NOS1AP: variants seen among roughly 807,000 people sequenced by gnomAD.
The protein encoded by NOS1AP is nitric oxide synthase 1 adaptor protein.
In NOS1AP, 21 loss-of-function variants were observed where a neutral mutation model predicts 56.2. The observed-to-expected ratio is 0.37, with a 90% CI of 0.26 to 0.54. NOS1AP has a LOEUF of 0.54. NOS1AP is among the 20% of genes least tolerant of loss of function. The pLI is 0.84. For missense variants in NOS1AP, 522 were observed against 657.8 expected, an observed-to-expected ratio of 0.79 and a Z score of 2.26; for synonymous variants, 270 against 274.6, an observed-to-expected ratio of 0.98 and a Z score of 0.17.
chr1:162,268,883 A>G (rs1395068150), intron 2 of NOS1AP, among the ~76,000 whole-genome samples: 1 of 152,212 alleles, frequency 6.6e-6, no homozygotes, highest in Non-Finnish European at 1.5e-5. Flanking sequence ...TCAATCTAGG[A>G]AGTCCAACAT....
chr1:162,271,317 C>T (rs1425136699), intron 2 of NOS1AP, among the ~76,000 whole-genome samples: 1 of 148,132 alleles, frequency 6.8e-6, no homozygotes, highest in Admixed American at 6.8e-5. Flanking sequence ...TGGGATACTA[C>T]CCAGAAGTCC....
chr1:162,366,987 C>T (rs984964731), intron 9 of NOS1AP, 65 bp from the exon 10 acceptor site: 11 of 1,591,520 alleles, frequency 6.9e-6, no homozygotes, highest in Middle Eastern at 1.7e-4. Flanking sequence ...GGGCAGAAGG[C>T]GGGCATCCCA....
chr1:162,236,740 ATGT>A (rs1441466889), intron 2 of NOS1AP, among the ~76,000 whole-genome samples: 1 of 152,088 alleles, frequency 6.6e-6, no homozygotes, highest in Non-Finnish European at 1.5e-5. Context: ...TTGGTTAGAA[ATGT>A]TGTCTCTATA....
At chr1:162,352,956 T>C (rs1657569894) in intron 6 of NOS1AP, among the ~76,000 whole-genome samples, 1 of 152,190 alleles carries the variant, frequency 6.6e-6, no homozygotes, top group African/African-American at 2.4e-5. Context: ...CTGCTTCTCC[T>C]GGATTTTTCC....
At chr1:162,152,793 G>T (rs1348642002) in intron 1 of NOS1AP, among the ~76,000 whole-genome samples, 2 of 152,148 alleles carry the variant, frequency 1.3e-5, no homozygotes, top group Non-Finnish European at 2.9e-5. Flanking sequence ...CTGGGGTCAG[G>T]CCTCAGCTCC....
At chr1:162,299,708 C>G (rs1161467196) in intron 3 of NOS1AP, among the ~76,000 whole-genome samples, 2 of 152,186 alleles carry the variant, frequency 1.3e-5, no homozygotes, top group African/African-American at 2.4e-5. Flanking sequence ...AAATCCACCT[C>G]TATGGATCAT....
At chr1:162,149,239 G>A (rs1649605377) in intron 1 of NOS1AP, among the ~76,000 whole-genome samples, 1 of 152,212 alleles carries the variant, frequency 6.6e-6, no homozygotes. Flanking sequence ...GGGAATTGGT[G>A]TTGCCTGACC....
chr1:162,277,867 A>C lies in NOS1AP; in HGVS notation c.178-9477A>C, dbSNP rs138191821. 2.6e-5 allele frequency among the ~76,000 whole-genome samples: 4 copies of C among 152,144 alleles called. No individual in the cohort carries two copies. The East Asian group carries it at 7.7e-4, about 29-fold the overall frequency. On this transcript the variant is annotated intron_variant, in intron 2 of 9. Coordinates refer to ENST00000361897, the MANE Select transcript of NOS1AP (RefSeq NM_014697.3). ...GTGATTTCATCCAGATATTTTCTTTATTCTTACTATGCAGTGCTTGATACA... is the reference window on the plus strand; with the variant it reads ...GTGATTTCATCCAGATATTTTCTTTCTTCTTACTATGCAGTGCTTGATACA...
chr1:162,249,743 TTTAC>T (rs1298125591), intron 2 of NOS1AP, among the ~76,000 whole-genome samples: 1 of 152,146 alleles, frequency 6.6e-6, no homozygotes, highest in Non-Finnish European at 1.5e-5. Context: ...TCTAATGAAG[TTTAC>T]TTACAGATAA....
intron 4 of NOS1AP, among the ~76,000 whole-genome samples, chr1:162,311,001 G>T (rs1264569629): frequency 2.0e-5 from 3 of 151,826 alleles, no homozygotes; most frequent in Non-Finnish European, 2.9e-5. Flanking sequence ...CTACAAATAT[G>T]TTCAGCTCTC....
chr1:162,312,095 C>T (rs980397071), intron 4 of NOS1AP, among the ~76,000 whole-genome samples: 1 of 150,972 alleles, frequency 6.6e-6, no homozygotes, highest in African/African-American at 2.5e-5. Context: ...TGGGTATATA[C>T]CCAGCAATGG....
At chr1:162,084,904 A>T (rs1023031175) in intron 1 of NOS1AP, among the ~76,000 whole-genome samples, 1 of 152,030 alleles carries the variant, frequency 6.6e-6, no homozygotes, top group African/African-American at 2.4e-5. Context: ...GGCTCAAGTG[A>T]TCCACCTGCT....
intron 1 of NOS1AP, among the ~76,000 whole-genome samples, chr1:162,091,761 CAAAG>C (rs1222708971): frequency 6.6e-6 from 1 of 152,180 alleles, no homozygotes; most frequent in Non-Finnish European, 1.5e-5. Context: ...TCCCACTCCT[CAAAG>C]AGAGAGGGCA....
intron 1 of NOS1AP, among the ~76,000 whole-genome samples, chr1:162,100,639 T>G (rs1692371513): frequency 6.6e-6 from 1 of 151,820 alleles, no homozygotes. Flanking sequence ...TTAGTTTAAT[T>G]AGATCCCATT....
At chr1:162,185,590 G>A (rs1422691349) in intron 2 of NOS1AP, among the ~76,000 whole-genome samples, 2 of 152,168 alleles carry the variant, frequency 1.3e-5, no homozygotes, top group African/African-American at 4.8e-5. Flanking sequence ...CTATTAACTT[G>A]CCATGTGCAT....
chr1:162,135,094 A>G (rs920196787), intron 1 of NOS1AP, among the ~76,000 whole-genome samples: 2 of 152,180 alleles, frequency 1.3e-5, no homozygotes, highest in Non-Finnish European at 2.9e-5. Flanking sequence ...ATCCAAGCAA[A>G]TTAGGTGTTT....
intron 1 of NOS1AP, among the ~76,000 whole-genome samples, chr1:162,081,905 C>T (rs1029580514): frequency 1.2e-4 from 18 of 150,718 alleles, no homozygotes; most frequent in Non-Finnish European, 1.3e-4. Flanking sequence ...TGCCTGGCCC[C>T]ACTTCTATTT....
At chr1:162,180,260 T>A (rs1464687704) in intron 2 of NOS1AP, among the ~76,000 whole-genome samples, 1 of 152,122 alleles carries the variant, frequency 6.6e-6, no homozygotes, top group African/African-American at 2.4e-5. Flanking sequence ...TTATTTATTT[T>A]TTGAGACAGA....
intron 2 of NOS1AP, chr1:162,157,262 T>C (rs532409396): frequency 6.5e-6 from 1 of 153,062 alleles, no homozygotes; most frequent in East Asian, 1.9e-4. Flanking sequence ...CTCATTAAAT[T>C]AGAGGGAGCA....
Sources: gnomAD v4.1 joint callset for allele counts (sites outside exome capture counted in the v4.1 genomes callset) on GRCh38, gnomAD v4.1.1 for gene constraint, MANE v1.5 for transcripts, NCBI Gene and HGNC (gene_info 2026-07-23, HGNC 2026-07-21) for gene names.